RCOR1: variants seen among roughly 807,000 people sequenced by gnomAD.
RCOR1 encodes REST corepressor 1, also known as REST corepressor.
RCOR1 carries 12 observed loss-of-function variants against 64.0 expected under a neutral mutation model. The ratio of observed to expected loss-of-function variants is 0.19; its 90% CI spans 0.12 to 0.30. The LOEUF (loss-of-function observed/expected upper bound fraction) is 0.30. Among genes scored for constraint, RCOR1 ranks in the 10% least tolerant of loss-of-function variants. The probability of loss-of-function intolerance (pLI) is 1.00; values close to 1 mark genes in which losing one functional copy is unlikely to be tolerated. For missense variants in RCOR1, 502 were observed against 621.2 expected, an observed-to-expected ratio of 0.81 and a Z score of 2.04; for synonymous variants, 279 against 227.2, an observed-to-expected ratio of 1.23 and a Z score of -2.05.
At chr14:102,608,538 G>T (rs756014651) in intron 2 of RCOR1, among the ~76,000 whole-genome samples, 1 of 151,882 alleles carries the variant, frequency 6.6e-6, no homozygotes, top group South Asian at 2.1e-4. Context: ...TCGTTCAAGC[G>T]ATTCTCCTGC....
chr14:102,694,654 C>G lies in RCOR1; in HGVS notation c.446-6624C>G, dbSNP rs899199586. On this transcript the variant is annotated intron_variant, in intron 3 of 11. Transcript: ENST00000262241. The stretch of plus-strand genomic sequence containing the variant: ...GATTGATGAAATCCTCAGGCAGAGT[C>G]TCTGGCTTGGCTTCCTGTGCTGTTT... Among the ~76,000 whole-genome samples, 16 of 152,204 alleles carry G rather than the reference C, an allele frequency of 1.1e-4. 1 individual carries two copies. Among genetic ancestry groups the G allele is most frequent in the African/African-American group, 3.6e-4 (15 of 41,442 alleles).
chr14:102,710,789 C>T, intron 6 of RCOR1, 146 bp from the exon 7 acceptor site: 1 of 637,950 alleles, frequency 1.6e-6, no homozygotes. Context: ...TCTCAGCAGC[C>T]TGAAAACATA....
intron 2 of RCOR1, among the ~76,000 whole-genome samples, chr14:102,619,851 T>G (rs534331030): frequency 6.6e-6 from 1 of 152,228 alleles, no homozygotes; most frequent in East Asian, 1.9e-4. Flanking sequence ...ATGTTCTTGA[T>G]GTAGCTTGTT....
chr14:102,721,174 A>T (rs1232589739), intron 9 of RCOR1, 90 bp downstream of exon 9: 10 of 1,032,194 alleles, frequency 9.7e-6, no homozygotes, highest in Non-Finnish European at 1.5e-5. Context: ...CCCAGTATAC[A>T]TCTCTTGGAA....
At chr14:102,599,206 T>C (rs1893333979) in intron 2 of RCOR1, among the ~76,000 whole-genome samples, 1 of 152,086 alleles carries the variant, frequency 6.6e-6, no homozygotes. Context: ...GGCAGTGAAC[T>C]TGAACCTCCT....
chr14:102,699,747 G>A (rs1178957374), intron 3 of RCOR1, among the ~76,000 whole-genome samples: 2 of 148,056 alleles, frequency 1.4e-5, no homozygotes, highest in East Asian at 3.9e-4. Flanking sequence ...ACAGTTCTAT[G>A]CTCCTTGATT....
chr14:102,595,689 C>G (rs994114494), intron 2 of RCOR1, among the ~76,000 whole-genome samples: 15 of 151,996 alleles, frequency 9.9e-5, no homozygotes, highest in Middle Eastern at 6.8e-3. Context: ...ACGCCATTCT[C>G]CTGCCTCAGC....
intron 2 of RCOR1, among the ~76,000 whole-genome samples, chr14:102,626,902 C>A (rs908448099): frequency 6.6e-6 from 1 of 152,168 alleles, no homozygotes; most frequent in Non-Finnish European, 1.5e-5. Flanking sequence ...TTTGCCTATT[C>A]TTTGCTTGCT....
rs1224622088 is a variant in RCOR1, at chr14:102,599,806, T to G, written c.361+6481T>G. Among the ~76,000 whole-genome samples the G allele has an allele frequency of 9.5e-5, 8 of 83,862 alleles. No homozygotes were observed. The South Asian group carries it at 2.7e-3, about 28-fold the overall frequency. 55.0% of individuals were successfully genotyped at this position (83,862 alleles called of 152,430 possible). Reference sequence around the variant, plus strand: ...GAATGCTTTGTGGTTTTGTTTTGTTTTGTTTTTTTTTTTTGAAACAAGGTC... The same window carrying G: ...GAATGCTTTGTGGTTTTGTTTTGTTGTGTTTTTTTTTTTTGAAACAAGGTC... On this transcript the variant is annotated intron_variant, in intron 2 of 11. Coordinates refer to ENST00000262241, the MANE Select transcript of RCOR1 (RefSeq NM_015156.4).
At chr14:102,704,242 G>A (rs1895805685) in intron 4 of RCOR1, among the ~76,000 whole-genome samples, 1 of 152,188 alleles carries the variant, frequency 6.6e-6, no homozygotes, top group Non-Finnish European at 1.5e-5. Context: ...TGTCAGGAGA[G>A]CTCTGCTCAT....
rs938432490 is a variant in RCOR1 at position 102,727,383 on chromosome 14, T to TC, written c.*878dup. 5.9e-5 allele frequency: 9 copies of TC among 151,586 alleles called. No homozygotes were observed. Among genetic ancestry groups the TC allele is most frequent in the African/African-American group, 2.2e-4 (9 of 41,262 alleles). The allele number at this position is 151,586 out of a possible 1,614,324, so 9.4% of individuals were successfully genotyped here. ...CTTCTCCTTTTGGCAACCATGGTTATCAATCCTTTTTCTGTTTTAGTGTCT... is the reference window on the plus strand; with the variant it reads ...CTTCTCCTTTTGGCAACCATGGTTATCCAATCCTTTTTCTGTTTTAGTGTCT... On this transcript the variant is annotated 3_prime_UTR_variant, in exon 12 of 12. Coordinates refer to ENST00000262241, the MANE Select transcript of RCOR1 (RefSeq NM_015156.4).
intron 5 of RCOR1, 51 bp downstream of exon 5, chr14:102,707,563 C>A (rs754818516): frequency 7.0e-7 from 1 of 1,419,720 alleles, no homozygotes; most frequent in Non-Finnish European, 9.6e-7. Flanking sequence ...ATCTAACTCT[C>A]TTTTGCAGCA....
At chr14:102,617,653 A>G (rs951959885) in intron 2 of RCOR1, among the ~76,000 whole-genome samples, 7 of 146,640 alleles carry the variant, frequency 4.8e-5, no homozygotes, top group Non-Finnish European at 7.4e-5. Flanking sequence ...GCAGTGGCAC[A>G]GACTTGGCTC....
chr14:102,605,414 TG>T (rs1269878908), intron 2 of RCOR1, among the ~76,000 whole-genome samples: 2 of 152,224 alleles, frequency 1.3e-5, no homozygotes, highest in African/African-American at 2.4e-5. Context: ...CATACAGTCA[TG>T]TATTGCAAAA....
intron 2 of RCOR1, chr14:102,650,886 T>C: frequency 1.9e-6 from 1 of 529,088 alleles, no homozygotes; most frequent in Non-Finnish European, 2.4e-6. Flanking sequence ...GAGCACTTAC[T>C]CTTAGATGTT....
intron 2 of RCOR1, among the ~76,000 whole-genome samples, chr14:102,607,389 G>A (rs994353479): frequency 2.0e-5 from 3 of 152,136 alleles, no homozygotes; most frequent in African/African-American, 7.2e-5. Context: ...AATTGGAGAT[G>A]CACATCTTGC....
At chr14:102,724,718 T>G (rs1896228473) in intron 11 of RCOR1, among the ~76,000 whole-genome samples, 1 of 152,236 alleles carries the variant, frequency 6.6e-6, no homozygotes. Context: ...TATGTTAGTT[T>G]GCAGAAGGAA....
chr14:102,699,547 A>G (rs187887544), intron 3 of RCOR1, among the ~76,000 whole-genome samples: 5 of 152,312 alleles, frequency 3.3e-5, no homozygotes, highest in Non-Finnish European at 1.5e-5. Flanking sequence ...CTTTTGGTAT[A>G]ATCGCATGGC....
chr14:102,641,205 A>C (rs2139921093), intron 2 of RCOR1, among the ~76,000 whole-genome samples: 1 of 152,216 alleles, frequency 6.6e-6, no homozygotes, highest in Non-Finnish European at 1.5e-5. Flanking sequence ...CAGTGACCCG[A>C]AATTGCACCA....
Sources: allele counts gnomAD v4.1 joint callset (sites outside exome capture counted in the v4.1 genomes callset), GRCh38; gene constraint gnomAD v4.1.1; transcripts MANE v1.5; gene names NCBI Gene and HGNC (gene_info 2026-07-23, HGNC 2026-07-21).